The following ST6GALNAC3 variants were observed in gnomAD, a reference collection of about 807,000 sequenced individuals.
ST6GALNAC3 encodes the protein ST6 N-acetylgalactosaminide alpha-2,6-sialyltransferase 3.
A neutral mutation model predicts 32.7 loss-of-function variants in ST6GALNAC3; 25 were observed. The ratio of observed to expected loss-of-function variants is 0.76; its 90% confidence interval spans 0.56 to 1.07. The LOEUF (loss-of-function observed/expected upper bound fraction) is 1.07. ST6GALNAC3 is among the 50% of genes least tolerant of loss of function. The probability of loss-of-function intolerance (pLI) is 0.00; values close to 1 mark genes in which losing one functional copy is unlikely to be tolerated. For missense variants in ST6GALNAC3, 355 were observed against 382.4 expected, an observed-to-expected ratio of 0.93 and a Z score of 0.60; for synonymous variants, 129 against 133.1, an observed-to-expected ratio of 0.97 and a Z score of 0.21.
intron 1 of ST6GALNAC3, among the ~76,000 whole-genome samples, chr1:76,302,213 A>C (rs1393118677): frequency 6.6e-6 from 1 of 152,086 alleles, no homozygotes; most frequent in East Asian, 1.9e-4. Context: ...ATTTGTCCAC[A>C]GAGGATTGGC....
chr1:76,414,051 T>C (rs1422928777), intron 3 of ST6GALNAC3, among the ~76,000 whole-genome samples: 1 of 152,128 alleles, frequency 6.6e-6, no homozygotes, highest in Admixed American at 6.6e-5. Flanking sequence ...TTATTTCACA[T>C]TGACTTTTGC....
chr1:76,322,750 C>G (rs1002816157), intron 2 of ST6GALNAC3, among the ~76,000 whole-genome samples: 1 of 151,644 alleles, frequency 6.6e-6, no homozygotes, highest in Non-Finnish European at 1.5e-5. Context: ...ACCACTGCCC[C>G]CCACCCCCCC....
At chr1:76,568,899 A>G (rs1665704580) in intron 3 of ST6GALNAC3, among the ~76,000 whole-genome samples, 1 of 151,302 alleles carries the variant, frequency 6.6e-6, no homozygotes, top group African/African-American at 2.4e-5. Flanking sequence ...TTGTTAATTT[A>G]TTTTTTTTTC....
intron 3 of ST6GALNAC3, among the ~76,000 whole-genome samples, chr1:76,620,531 G>GCT (rs1409701726): frequency 2.0e-5 from 3 of 152,036 alleles, no homozygotes; most frequent in African/African-American, 4.8e-5. Context: ...TCTGGTGAAG[G>GCT]CTCTCTTCCT....
chr1:76,316,599 A>C (rs1158629051), intron 2 of ST6GALNAC3, among the ~76,000 whole-genome samples: 1 of 152,016 alleles, frequency 6.6e-6, no homozygotes. Context: ...AAAAAAAAGC[A>C]AGGAAATTAT....
chr1:76,074,758 A>T lies in ST6GALNAC3; in HGVS notation c.-109A>T. ...GGTCCCCTTATTTGGATCTGCGGGA[A>T]TGTGGGCTGGAGAGGTCCTGCCGTG... On this transcript the variant is annotated 5_prime_UTR_variant, in exon 1 of 5. An upstream start codon of the reference 5' UTR is lost. Transcript: ENST00000328299. The T allele has an allele frequency of 8.3e-7, 1 of 1,210,700 alleles. No homozygotes were observed. The highest frequency in any genetic ancestry group is 2.3e-5 in the Admixed American group (1 of 42,720). The allele number at this position is 1,210,700 out of a possible 1,614,324, so 75.0% of individuals were successfully genotyped here.
chr1:76,121,848 T>C (rs992504307), intron 1 of ST6GALNAC3, among the ~76,000 whole-genome samples: 2 of 152,356 alleles, frequency 1.3e-5, no homozygotes, highest in East Asian at 1.9e-4. Flanking sequence ...TCTGCCCTTA[T>C]TGGCCTTACA....
intron 1 of ST6GALNAC3, among the ~76,000 whole-genome samples, chr1:76,090,449 T>C (rs191032690): frequency 6.6e-6 from 1 of 152,374 alleles, no homozygotes; most frequent in African/African-American, 2.4e-5. Flanking sequence ...TCTACCCACC[T>C]ACTGCTCTCC....
At chr1:76,508,241 C>T (rs1350233293) in intron 3 of ST6GALNAC3, among the ~76,000 whole-genome samples, 2 of 152,132 alleles carry the variant, frequency 1.3e-5, no homozygotes, top group Non-Finnish European at 2.9e-5. Flanking sequence ...GAGTACACAA[C>T]AGGATTCGTG....
chr1:76,144,206 C>T (rs1297873283), intron 1 of ST6GALNAC3, among the ~76,000 whole-genome samples: 2 of 152,228 alleles, frequency 1.3e-5, no homozygotes, highest in East Asian at 1.9e-4. Flanking sequence ...GGAAAGCGTG[C>T]TGCTTGGCCA....
chr1:76,563,018 A>T (rs1252526646), intron 3 of ST6GALNAC3, among the ~76,000 whole-genome samples: 1 of 152,192 alleles, frequency 6.6e-6, no homozygotes, highest in Admixed American at 6.5e-5. Flanking sequence ...CTGAGAAGGT[A>T]CTATCCACAC....
At chr1:76,408,304 A>T (rs1653977094) in intron 2 of ST6GALNAC3, among the ~76,000 whole-genome samples, 1 of 152,118 alleles carries the variant, frequency 6.6e-6, no homozygotes, top group African/African-American at 2.4e-5. Flanking sequence ...CAAAACTATT[A>T]CCCAGAAGTA....
intron 3 of ST6GALNAC3, among the ~76,000 whole-genome samples, chr1:76,418,440 G>T (rs771614331): frequency 6.6e-6 from 1 of 152,002 alleles, no homozygotes; most frequent in Non-Finnish European, 1.5e-5. Context: ...TCTTAGAGTC[G>T]CCATGGGGTA....
chr1:76,588,024 A>G (rs778799084), intron 3 of ST6GALNAC3, among the ~76,000 whole-genome samples: 1 of 152,172 alleles, frequency 6.6e-6, no homozygotes, highest in Non-Finnish European at 1.5e-5. Context: ...GATGATGAAC[A>G]TACAGAGCAC....
intron 3 of ST6GALNAC3, among the ~76,000 whole-genome samples, chr1:76,498,157 G>T (rs190788061): frequency 6.0e-4 from 92 of 152,256 alleles, no homozygotes; most frequent in Non-Finnish European, 1.0e-3. Flanking sequence ...GCAGAATCCT[G>T]GTCTCTGTTT....
intron 2 of ST6GALNAC3, among the ~76,000 whole-genome samples, chr1:76,345,487 T>C (rs768347724): frequency 1.3e-5 from 2 of 152,086 alleles, no homozygotes; most frequent in African/African-American, 2.4e-5. Flanking sequence ...GCATAGCTTT[T>C]ACCCACTGAA....
intron 1 of ST6GALNAC3, among the ~76,000 whole-genome samples, chr1:76,159,332 G>A (rs529726203): frequency 2.7e-4 from 41 of 152,284 alleles, no homozygotes; most frequent in South Asian, 1.5e-3. Flanking sequence ...GGAATTACAG[G>A]CATATGTCAC....
intron 1 of ST6GALNAC3, among the ~76,000 whole-genome samples, chr1:76,082,868 G>A (rs532340946): frequency 2.0e-5 from 3 of 149,706 alleles, no homozygotes; most frequent in Non-Finnish European, 3.0e-5. Context: ...GGTCGTTTTC[G>A]TGTTTTTTGT....
At chr1:76,606,810 A>G (rs1302806833) in intron 3 of ST6GALNAC3, among the ~76,000 whole-genome samples, 2 of 151,950 alleles carry the variant, frequency 1.3e-5, no homozygotes, top group Non-Finnish European at 2.9e-5. Flanking sequence ...GAAAGAAAAA[A>G]ATGTTTCTCT....
Sources: gnomAD v4.1 joint callset for allele counts (sites outside exome capture counted in the v4.1 genomes callset) on GRCh38, gnomAD v4.1.1 for gene constraint, MANE v1.5 for transcripts, NCBI Gene and HGNC (gene_info 2026-07-23, HGNC 2026-07-21) for gene names.